UBE2G1: variants seen among roughly 807,000 people sequenced by gnomAD.
UBE2G1 encodes ubiquitin-conjugating enzyme E2 G1.
In UBE2G1, 5 loss-of-function variants were observed where a neutral mutation model predicts 22.7. That is an observed-to-expected ratio of 0.22 (90% CI 0.12 to 0.46). The LOEUF is 0.46. UBE2G1 is among the 20% of genes least tolerant of loss of function. The pLI is 0.99. For synonymous variants in UBE2G1, 74 were observed against 67.5 expected (o/e 1.10, Z -0.47); for missense variants, 88 against 203.9 (o/e 0.43, Z 3.46).
intron 1 of UBE2G1, among the ~76,000 whole-genome samples, chr17:4,347,619 C>T (rs1031666250): frequency 7.2e-5 from 11 of 151,904 alleles, no homozygotes; most frequent in Non-Finnish European, 1.3e-4. Flanking sequence ...CAACTACAGG[C>T]AAATGCCACC....
At chr17:4,366,121 C>T (rs1169153236) in intron 1 of UBE2G1, 150 bp downstream of exon 1, 49 of 779,084 alleles carry the variant, frequency 6.3e-5, no homozygotes, top group Non-Finnish European at 8.3e-5. Context: ...AACGGCTGGG[C>T]CCGGCCGGGA....
intron 1 of UBE2G1, among the ~76,000 whole-genome samples, chr17:4,359,831 G>A (rs1392354549): frequency 1.5e-5 from 2 of 133,564 alleles, no homozygotes; most frequent in Non-Finnish European, 3.1e-5. Flanking sequence ...CAGCCTGGGC[G>A]ACAGAACAAG....
chr17:4,339,627 G>A (rs994102549), intron 1 of UBE2G1, among the ~76,000 whole-genome samples: 4 of 152,008 alleles, frequency 2.6e-5, no homozygotes, highest in African/African-American at 4.8e-5. Flanking sequence ...TCTTTTGGGC[G>A]GATCACCTGA....
intron 1 of UBE2G1, among the ~76,000 whole-genome samples, chr17:4,361,770 T>C (rs1390985833): frequency 2.6e-5 from 4 of 151,626 alleles, no homozygotes; most frequent in African/African-American, 9.7e-5. Context: ...AAAAACCCTG[T>C]CTCTACTAAA....
In UBE2G1 at chr17:4,269,327, C is replaced by T. The variant is rs750414317; in HGVS notation, c.*3227G>A. The T allele has an allele frequency of 5.9e-5, 9 of 152,434 alleles. No individual in the cohort carries two copies. Among genetic ancestry groups the T allele is most frequent in the Non-Finnish European group, 1.0e-4 (7 of 67,992 alleles). The allele number at this position is 152,434 out of a possible 1,614,324, so 9.4% of individuals were successfully genotyped here. Reference sequence around the variant, plus strand: ...CACATGAATGAGGTGCTTTACAATACAGTAAACATCACAACAGAACTCACA... The same window carrying T: ...CACATGAATGAGGTGCTTTACAATATAGTAAACATCACAACAGAACTCACA... On this transcript the variant is annotated 3_prime_UTR_variant, in exon 6 of 6. Transcript: ENST00000396981.
Position 4,272,233 on chromosome 17 carries a change from A to C in UBE2G1, c.*321T>G, listed in dbSNP as rs553242581. On this transcript the variant is annotated 3_prime_UTR_variant, in exon 6 of 6. Coordinates refer to ENST00000396981, the MANE Select transcript of UBE2G1 (RefSeq NM_003342.5). ...ACTACAAGAAAGCATTATTTGGTAC[A>C]AGGTGTATTTGTGGATGTACATGAA... 1 of 152,924 alleles carries C rather than the reference A, an allele frequency of 6.5e-6. No individual in the cohort carries two copies. Among genetic ancestry groups the C allele is most frequent in the South Asian group, 2.0e-4 (1 of 4,914 alleles). The allele number at this position is 152,924 out of a possible 1,614,324, so 9.5% of individuals were successfully genotyped here. A position where few individuals can be genotyped will look rare whatever the true frequency, so the allele number is the denominator to read the frequency against.
intron 1 of UBE2G1, among the ~76,000 whole-genome samples, chr17:4,322,279 T>C (rs1364182381): frequency 1.3e-5 from 2 of 152,174 alleles, no homozygotes; most frequent in East Asian, 3.8e-4. Context: ...CCATGCCAGG[T>C]CCAATCCAAG....
chr17:4,288,320 A>T (rs542041673), intron 4 of UBE2G1, among the ~76,000 whole-genome samples: 1 of 152,122 alleles, frequency 6.6e-6, no homozygotes, highest in African/African-American at 2.4e-5. Context: ...TCTGCCTCCC[A>T]GGTTGAAGTG....
chr17:4,350,867 C>T (rs930100481), intron 1 of UBE2G1, among the ~76,000 whole-genome samples: 5 of 151,774 alleles, frequency 3.3e-5, no homozygotes, highest in Non-Finnish European at 5.9e-5. Flanking sequence ...CCCGCCTCTA[C>T]TAAAAATACA....
At chr17:4,314,674 T>C (rs1969346627) in intron 1 of UBE2G1, among the ~76,000 whole-genome samples, 1 of 152,208 alleles carries the variant, frequency 6.6e-6, no homozygotes, top group Non-Finnish European at 1.5e-5. Context: ...TATCATTTAA[T>C]CCAGGCATTT....
At chr17:4,334,048 C>T (rs1969616122) in intron 1 of UBE2G1, among the ~76,000 whole-genome samples, 1 of 151,882 alleles carries the variant, frequency 6.6e-6, no homozygotes, top group East Asian at 1.9e-4. Context: ...AATGGCAGAA[C>T]ATGTCAGTTA....
chr17:4,329,561 A>C (rs1469749034), intron 1 of UBE2G1, among the ~76,000 whole-genome samples: 1 of 152,164 alleles, frequency 6.6e-6, no homozygotes, highest in Admixed American at 6.5e-5. Context: ...CTCAAAAAAA[A>C]AAAAGAGACT....
At chr17:4,357,512 G>C (rs1306062152) in intron 1 of UBE2G1, among the ~76,000 whole-genome samples, 1 of 84,152 alleles carries the variant, frequency 1.2e-5, no homozygotes, top group Non-Finnish European at 2.5e-5. Context: ...TGTGTGTGGG[G>C]GGGGGGGGTG....
chr17:4,344,552 C>CAAAAA (rs576774645), intron 1 of UBE2G1, among the ~76,000 whole-genome samples: 5 of 132,324 alleles, frequency 3.8e-5, no homozygotes, highest in African/African-American at 1.4e-4. Flanking sequence ...AGAAAGCTCT[C>CAAAAA]AAAAAAAAAA....
intron 1 of UBE2G1, among the ~76,000 whole-genome samples, chr17:4,352,771 C>G (rs577402019): frequency 2.0e-5 from 3 of 152,206 alleles, no homozygotes; most frequent in Admixed American, 2.0e-4. Context: ...GAATCCAGCT[C>G]ATTCAAAAAT....
At chr17:4,350,331 C>T (rs1051092072) in intron 1 of UBE2G1, among the ~76,000 whole-genome samples, 1 of 151,928 alleles carries the variant, frequency 6.6e-6, no homozygotes, top group Admixed American at 6.6e-5. Context: ...CATGGTGGTG[C>T]GCCTGTAATC....
intron 1 of UBE2G1, among the ~76,000 whole-genome samples, chr17:4,357,063 C>G (rs529727931): frequency 3.3e-5 from 5 of 152,254 alleles, no homozygotes; most frequent in African/African-American, 1.2e-4. Flanking sequence ...ATAGTCCCCC[C>G]ACCCCTGCCC....
chr17:4,290,239 T>G (rs1261045571), intron 3 of UBE2G1, among the ~76,000 whole-genome samples: 4 of 152,178 alleles, frequency 2.6e-5, no homozygotes, highest in Admixed American at 2.0e-4. Flanking sequence ...GGAAGAAATT[T>G]TAGAAAGGAA....
At chr17:4,330,847 G>A (rs1969566884) in intron 1 of UBE2G1, among the ~76,000 whole-genome samples, 1 of 151,564 alleles carries the variant, frequency 6.6e-6, no homozygotes, top group African/African-American at 2.4e-5. Context: ...ACCCACCTTG[G>A]CCTCCCAAAG....
Sources: allele counts gnomAD v4.1 joint callset (sites outside exome capture counted in the v4.1 genomes callset), GRCh38; gene constraint gnomAD v4.1.1; transcripts MANE v1.5; gene names NCBI Gene and HGNC (gene_info 2026-07-23, HGNC 2026-07-21).